Variants in FAAH2 observed in about 807,000 individuals in gnomAD.
FAAH2 encodes the protein fatty acid amide hydrolase 2, also known as fatty-acid amide hydrolase 2.
Under a neutral mutation model 36.9 loss-of-function variants are expected in FAAH2, and 60 were observed. The observed-to-expected ratio is 1.63, with a 90% CI of 1.32 to 2.02. The LOEUF (loss-of-function observed/expected upper bound fraction) is 2.02, where lower values mean the gene tolerates loss of function less well. FAAH2 is among the 30% of genes most tolerant of loss of function. FAAH2 has a pLI of 0.00. For missense variants in FAAH2, 689 were observed against 397.5 expected (o/e 1.73, Z -6.23); for synonymous variants, 214 against 143.8 (o/e 1.49, Z -3.49).
intron 10 of FAAH2, among the ~76,000 whole-genome samples, chrX:57,468,615 C>T (rs746495211): frequency 3.6e-5 from 4 of 111,971 alleles, no homozygotes; most frequent in Non-Finnish European, 5.6e-5. Context: ...ACCAAATCTA[C>T]GTCTGACTGG....
At chrX:57,448,395 C>T (rs780360505) in intron 9 of FAAH2, 129 bp from the exon 10 acceptor site, 2 of 625,901 alleles carry the variant, frequency 3.2e-6, no homozygotes, top group Non-Finnish European at 4.7e-6. Flanking sequence ...TATAAAGTTT[C>T]CTTTTCCATC....
intron 5 of FAAH2, among the ~76,000 whole-genome samples, chrX:57,358,194 A>G (rs969868300): frequency 1.9e-5 from 2 of 107,784 alleles, no homozygotes; most frequent in Non-Finnish European, 3.9e-5. Flanking sequence ...ATTGTATTGT[A>G]TTTTGGTAAG....
At chrX:57,267,581 G>A in the FAAH2 span, among the ~76,000 whole-genome samples, 1 of 112,097 alleles carries the variant, frequency 8.9e-6, no homozygotes, top group African/African-American at 3.2e-5. Context: ...AATGCCCACA[G>A]GGAGGCAGGT....
chrX:57,300,744 G>T (rs1323532213), intron 2 of FAAH2, among the ~76,000 whole-genome samples: 1 of 111,489 alleles, frequency 9.0e-6, no homozygotes, highest in African/African-American at 3.3e-5. Flanking sequence ...AATCTACAGT[G>T]AACTCATACA....
rs148089852 is a variant in FAAH2, at chrX:57,435,888, T to C, written c.1116+3851T>C. 3.1e-3 allele frequency among the ~76,000 whole-genome samples: 350 copies of C among 111,586 alleles called. 3 individuals are homozygous for C. Among genetic ancestry groups the C allele is most frequent in the African/African-American group, 0.011 (328 of 30,855 alleles). On this transcript the variant is annotated intron_variant, in intron 8 of 10. Coordinates refer to ENST00000374900, the MANE Select transcript of FAAH2 (RefSeq NM_174912.4). ...AAGTCTACTCAACAACTGTGAAATG[T>C]ACATTTTTTTCACATAAGCACATGG... is the stretch of plus-strand genomic sequence containing the variant.
At chrX:57,258,389 AT>A in the FAAH2 span, among the ~76,000 whole-genome samples, 1 of 111,358 alleles carries the variant, frequency 9.0e-6, no homozygotes, top group Admixed American at 9.6e-5. Context: ...TTTGGCAATA[AT>A]TTTTTTAAGC....
At position 57,448,589 on chromosome X, in the gene FAAH2, G is replaced by T. The variant is rs144419744; in HGVS notation, c.1294G>T (p.Glu432Ter). The change falls in exon 10 of 11, where the codon GAA (glutamate) becomes TAA (stop). Residue 432 changes from glutamate (E) to a stop codon, truncating the protein, a stop_gained. Coordinates refer to ENST00000374900, the MANE Select transcript of FAAH2 (RefSeq NM_174912.4). LOFTEE classifies it high-confidence loss of function. ...GAAATACCAAAAGTTTAAGGCAGTG[G>T]AAGAAAGCCTGCGTAAAGAGCTGGT... is the stretch of plus-strand genomic sequence containing the variant. ...NEKYQKFKAV[E>*]ESLRKELVDM... The T allele has an allele frequency of 2.7e-3, 3,296 of 1,209,792 alleles. 3 individuals carry two copies. The highest frequency in any genetic ancestry group is 3.4e-3 in the Non-Finnish European group (3,083 of 895,162).
At chrX:57,448,499 C>G (rs751227789) in intron 9 of FAAH2, 25 bp from the exon 10 acceptor site, 6 of 1,168,439 alleles carry the variant, frequency 5.1e-6, no homozygotes, top group Non-Finnish European at 5.8e-6. Context: ...ATTACCTTAA[C>G]TTGATATATG....
At chrX:57,433,889 A>G (rs1480942014) in intron 8 of FAAH2, among the ~76,000 whole-genome samples, 1 of 111,584 alleles carries the variant, frequency 9.0e-6, no homozygotes, top group Non-Finnish European at 1.9e-5. Flanking sequence ...AAAAATAAGA[A>G]CAATCCCCTA....
chrX:57,223,999 C>CA, the FAAH2 span, among the ~76,000 whole-genome samples: 1 of 111,517 alleles, frequency 9.0e-6, no homozygotes, highest in Admixed American at 9.5e-5. Context: ...CAGTCGTAAA[C>CA]AAAAAATCTC....
intron 2 of FAAH2, among the ~76,000 whole-genome samples, chrX:57,306,994 G>GATATATATATATATATATATATAT (rs770040896): frequency 0.092 from 2,860 of 30,944 alleles, 1,183 homozygotes; most frequent in Non-Finnish European, 0.15. Context: ...CACACACACA[G>GATATATATATATATATATATATAT]ATACATATAT....
At chrX:57,293,005 T>A (rs73626263) in intron 2 of FAAH2, among the ~76,000 whole-genome samples, 1,535 of 111,679 alleles carry the variant, frequency 0.014, 17 homozygotes, top group African/African-American at 0.047. Flanking sequence ...ACGTTACTTC[T>A]GTGTCTCTAT....
At chrX:57,391,635 A>T (rs2055168392) in intron 7 of FAAH2, among the ~76,000 whole-genome samples, 1 of 110,343 alleles carries the variant, frequency 9.1e-6, no homozygotes, top group African/African-American at 3.3e-5. Context: ...TCAGTTTTTT[A>T]TAGGTATGTG....
chrX:57,419,924 G>T (rs1452650242), intron 7 of FAAH2, among the ~76,000 whole-genome samples: 1 of 111,863 alleles, frequency 8.9e-6, no homozygotes, highest in Non-Finnish European at 1.9e-5. Flanking sequence ...TCCAGTTTCA[G>T]CTTTCTCCAT....
At chrX:57,419,612 A>T (rs2055951657) in intron 7 of FAAH2, among the ~76,000 whole-genome samples, 2 of 110,983 alleles carry the variant, frequency 1.8e-5, no homozygotes, top group African/African-American at 6.6e-5. Context: ...TAGATTCTGG[A>T]TATTAGCCGT....
chrX:57,415,993 A>AT (rs1016402068), intron 7 of FAAH2, among the ~76,000 whole-genome samples: 1 of 110,812 alleles, frequency 9.0e-6, no homozygotes, highest in Non-Finnish European at 1.9e-5. Context: ...CCTTCTTTGT[A>AT]TTTTTTTAAT....
In FAAH2 at chrX:57,443,113, A is replaced by G. The variant is rs140468795; in HGVS notation, c.1117-3815A>G. Among the ~76,000 whole-genome samples the G allele has an allele frequency of 4.3e-3, 476 of 111,693 alleles. 1 individual carries two copies. The highest frequency in any genetic ancestry group is 0.014 in the African/African-American group (437 of 30,736). ...CTTAGAATTGCTCTTCTCGAGGAAT[A>G]TCTTTGCAGCATTCTCTGTAGTTCC... On this transcript the variant is annotated intron_variant, in intron 8 of 10. Coordinates refer to ENST00000374900, the MANE Select transcript of FAAH2 (RefSeq NM_174912.4).
intron 2 of FAAH2, among the ~76,000 whole-genome samples, chrX:57,295,992 G>GGCCT (rs758100361): frequency 8.9e-6 from 1 of 112,460 alleles, no homozygotes; most frequent in African/African-American, 3.2e-5. Context: ...AGCTCAAGGA[G>GGCCT]GCCTGCCTGC....
intron 5 of FAAH2, among the ~76,000 whole-genome samples, chrX:57,370,514 A>G (rs771318203): frequency 6.3e-5 from 7 of 111,978 alleles, no homozygotes; most frequent in Non-Finnish European, 3.8e-5. Flanking sequence ...AGCCTGCCAT[A>G]TAATAACAGT....
Sources: allele counts gnomAD v4.1 joint callset (sites outside exome capture counted in the v4.1 genomes callset), GRCh38; gene constraint gnomAD v4.1.1; transcripts MANE v1.5; gene names NCBI Gene and HGNC (gene_info 2026-07-23, HGNC 2026-07-21).